The following STARD13 variants were observed in gnomAD, a reference collection of about 807,000 sequenced individuals.
STARD13 encodes the protein StAR related lipid transfer domain containing 13, also known as stAR-related lipid transfer protein 13.
In STARD13, 62 loss-of-function variants were observed where a neutral mutation model predicts 106.4. That is an observed-to-expected ratio of 0.58 (90% CI 0.48 to 0.72). STARD13 has a LOEUF of 0.72. Ranked by LOEUF, STARD13 falls within the 30% of genes least tolerant of loss-of-function variation. The pLI, the probability that STARD13 is intolerant of heterozygous loss-of-function variation, is 0.00. For missense variants in STARD13, 1,387 were observed against 1,424.0 expected (o/e 0.97, Z 0.42); for synonymous variants, 565 against 553.0 (o/e 1.02, Z -0.31).
intron 1 of STARD13, among the ~76,000 whole-genome samples, chr13:33,167,831 T>A (rs1163712056): frequency 6.6e-6 from 1 of 152,060 alleles, no homozygotes; most frequent in East Asian, 1.9e-4. Flanking sequence ...GCTAAGATAA[T>A]CTTCAATGTA....
At chr13:33,290,376 G>A (rs1015942971), upstream of STARD13, among the ~76,000 whole-genome samples, 12 of 152,234 alleles carry the variant, frequency 7.9e-5, no homozygotes, top group Non-Finnish European at 1.5e-4. Context: ...GGCTCTGAAG[G>A]CCAGCATTTG....
the STARD13 span, among the ~76,000 whole-genome samples, chr13:33,597,002 G>T: frequency 6.6e-6 from 1 of 152,180 alleles, no homozygotes; most frequent in Admixed American, 6.5e-5. Flanking sequence ...AACTATAGGG[G>T]TTCAGGTATC....
At chr13:33,317,431 C>T (rs951773402) in intron 1 of STARD13, among the ~76,000 whole-genome samples, 1 of 152,152 alleles carries the variant, frequency 6.6e-6, no homozygotes, top group African/African-American at 2.4e-5. Flanking sequence ...TGTCTCATTA[C>T]TTCCTGTTTC....
chr13:33,363,706 G>A, the STARD13 span, among the ~76,000 whole-genome samples: 33 of 152,126 alleles, frequency 2.2e-4, no homozygotes, highest in Non-Finnish European at 3.4e-4. Flanking sequence ...TTACACCTAA[G>A]CCCCACAAAG....
upstream of STARD13, among the ~76,000 whole-genome samples, chr13:33,352,479 C>G (rs1275567978): frequency 6.6e-6 from 1 of 152,194 alleles, no homozygotes; most frequent in South Asian, 2.1e-4. Context: ...AGCGTGGGCC[C>G]CTACTACTTT....
chr13:33,622,222 GA>G, the STARD13 span, among the ~76,000 whole-genome samples: 1 of 152,164 alleles, frequency 6.6e-6, no homozygotes, highest in East Asian at 1.9e-4. Context: ...TTTATGGGGC[GA>G]AAATAACCCT....
intron 1 of STARD13, among the ~76,000 whole-genome samples, chr13:33,171,799 C>T (rs1015778832): frequency 1.3e-5 from 2 of 152,240 alleles, no homozygotes; most frequent in African/African-American, 4.8e-5. Context: ...GCTACCCGTG[C>T]TATTCAGCCA....
intron 1 of STARD13, among the ~76,000 whole-genome samples, chr13:33,252,636 G>T (rs1390984217): frequency 6.6e-6 from 1 of 152,224 alleles, no homozygotes; most frequent in Non-Finnish European, 1.5e-5. Flanking sequence ...GACCCAGCAG[G>T]TATGTGTTTC....
At chr13:33,228,815 CA>C (rs981695594) in intron 1 of STARD13, among the ~76,000 whole-genome samples, 4 of 152,068 alleles carry the variant, frequency 2.6e-5, no homozygotes, top group African/African-American at 9.7e-5. Flanking sequence ...AGAATTAAAA[CA>C]AATAAGAAAT....
At chr13:33,479,612 T>G in the STARD13 span, among the ~76,000 whole-genome samples, 1 of 152,210 alleles carries the variant, frequency 6.6e-6, no homozygotes, top group Non-Finnish European at 1.5e-5. Flanking sequence ...TTGACACAGA[T>G]GTATTGTTGA....
At chr13:33,464,528 A>G in the STARD13 span, among the ~76,000 whole-genome samples, 1 of 152,070 alleles carries the variant, frequency 6.6e-6, no homozygotes, top group Admixed American at 6.5e-5. Flanking sequence ...ATTGCATAAT[A>G]ATACTGAGCA....
At chr13:33,371,539 C>T in the STARD13 span, among the ~76,000 whole-genome samples, 1 of 152,172 alleles carries the variant, frequency 6.6e-6, no homozygotes, top group African/African-American at 2.4e-5. Context: ...GATTAATATG[C>T]TGCTTCTGAA....
chr13:33,511,400 T>A, the STARD13 span: 18 of 152,280 alleles, frequency 1.2e-4, no homozygotes, highest in Admixed American at 1.1e-3. Context: ...AATTGTTGAT[T>A]TAAAAATCTG....
At chr13:33,349,352 T>G in intron 1 of STARD13, 2 of 664,628 alleles carry the variant, frequency 3.0e-6, no homozygotes, top group Non-Finnish European at 5.5e-6. Context: ...TCCTAAACCC[T>G]GCACTGCCCA....
chr13:33,421,425 C>A, the STARD13 span, among the ~76,000 whole-genome samples: 23,762 of 152,104 alleles, frequency 0.16, 4,437 homozygotes, highest in African/African-American at 0.44. Context: ...GTAGACCAAT[C>A]ATAGGCTCTG....
the STARD13 span, among the ~76,000 whole-genome samples, chr13:33,454,876 G>A: frequency 6.6e-6 from 1 of 152,174 alleles, no homozygotes; most frequent in African/African-American, 2.4e-5. Context: ...GAGTAGAAGA[G>A]GCAAGGAAAT....
the STARD13 span, among the ~76,000 whole-genome samples, chr13:33,487,491 G>A: frequency 2.0e-5 from 3 of 152,236 alleles, no homozygotes; most frequent in East Asian, 3.9e-4. Context: ...AAGAAAGGGG[G>A]AAAGTTCAGA....
the STARD13 span, among the ~76,000 whole-genome samples, chr13:33,481,854 C>T: frequency 9.4e-6 from 1 of 106,484 alleles, no homozygotes; most frequent in Non-Finnish European, 1.9e-5. Context: ...TGGTGGCGGG[C>T]GCCTGTAAGT....
chr13:33,253,347 C>G (rs1032377424), intron 1 of STARD13, among the ~76,000 whole-genome samples: 1 of 152,168 alleles, frequency 6.6e-6, no homozygotes, highest in Non-Finnish European at 1.5e-5. Flanking sequence ...TGTTAACACA[C>G]AGACCATTTT....
Sources: gnomAD v4.1 joint callset for allele counts (sites outside exome capture counted in the v4.1 genomes callset) on GRCh38, gnomAD v4.1.1 for gene constraint, MANE v1.5 for transcripts, NCBI Gene and HGNC (gene_info 2026-07-23, HGNC 2026-07-21) for gene names.